The following RNF149 variants were observed in gnomAD, a reference collection of about 807,000 sequenced individuals.
RNF149 encodes ring finger protein 149, also known as E3 ubiquitin-protein ligase RNF149.
Under a neutral mutation model 39.0 loss-of-function variants are expected in RNF149, and 21 were observed. The observed-to-expected ratio is 0.54, with a 90% CI of 0.38 to 0.77. RNF149 has a LOEUF of 0.77. Ranked by LOEUF, RNF149 falls within the 30% of genes least tolerant of loss-of-function variation. The pLI, the probability that RNF149 is intolerant of heterozygous loss-of-function variation, is 0.00. For synonymous variants in RNF149, 209 were observed against 213.6 expected (o/e 0.98, Z 0.19); for missense variants, 493 against 534.9 (o/e 0.92, Z 0.77).
intron 3 of RNF149, among the ~76,000 whole-genome samples, chr2:101,289,416 C>A (rs1490937663): frequency 6.6e-6 from 1 of 152,012 alleles, no homozygotes; most frequent in Non-Finnish European, 1.5e-5. Context: ...TTTTAAGAGA[C>A]AGGGTTTCGG....
chr2:101,287,088 G>A (rs570238909), intron 4 of RNF149, among the ~76,000 whole-genome samples: 1 of 152,188 alleles, frequency 6.6e-6, no homozygotes, highest in Non-Finnish European at 1.5e-5. Context: ...TTGGGAGGCC[G>A]AGGTGGGTGG....
intron 5 of RNF149, 114 bp downstream of exon 5, chr2:101,285,964 AACT>A: frequency 3.4e-6 from 2 of 592,108 alleles, no homozygotes; most frequent in Admixed American, 3.1e-5. Flanking sequence ...TTCTTCAGAG[AACT>A]ACAAGGATAT....
At chr2:101,296,122 A>T (rs963614236) in intron 1 of RNF149, among the ~76,000 whole-genome samples, 10 of 152,202 alleles carry the variant, frequency 6.6e-5, no homozygotes, top group Non-Finnish European at 7.3e-5. Flanking sequence ...TATCTCAATG[A>T]AAAACAAACA....
At chr2:101,293,515 T>C (rs1256805079) in intron 3 of RNF149, among the ~76,000 whole-genome samples, 4 of 152,256 alleles carry the variant, frequency 2.6e-5, no homozygotes, top group Non-Finnish European at 5.9e-5. Context: ...TTTCGAACTT[T>C]TAAGTGTCAG....
chr2:101,290,999 A>G (rs1682986869), intron 3 of RNF149, among the ~76,000 whole-genome samples: 1 of 152,214 alleles, frequency 6.6e-6, no homozygotes, highest in African/African-American at 2.4e-5. Flanking sequence ...AGGGACTACC[A>G]ATCAGTATCA....
At chr2:101,288,599 T>C (rs527589917) in intron 4 of RNF149, 12 of 170,820 alleles carry the variant, frequency 7.0e-5, no homozygotes, top group African/African-American at 2.6e-4. Context: ...CTCCTCAACC[T>C]ATTTCCCTTA....
Position 101,276,321 on chromosome 2 carries a change from A to T in RNF149, c.*917T>A, listed in dbSNP as rs1031804265. The T allele has an allele frequency of 1.0e-6, 1 of 985,634 alleles. No individual in the cohort carries two copies. Among genetic ancestry groups the T allele is most frequent in the Non-Finnish European group, 1.2e-6 (1 of 829,918 alleles). 61.1% of individuals were successfully genotyped at this position (985,634 alleles called of 1,614,324 possible). ...TGACCCAAAAGAACAGCAAGCAAGT[A>T]AAAAAGAAGAAACGGTTAAGCAAGG... On this transcript the variant is annotated 3_prime_UTR_variant, in exon 7 of 7. Coordinates refer to ENST00000295317, the MANE Select transcript of RNF149 (RefSeq NM_173647.4).
At chr2:101,283,133 C>T (rs1472298125) in intron 5 of RNF149, among the ~76,000 whole-genome samples, 1 of 152,184 alleles carries the variant, frequency 6.6e-6, no homozygotes, top group African/African-American at 2.4e-5. Flanking sequence ...CTCAACTGCC[C>T]TCTCAAATGC....
downstream of RNF149, chr2:101,273,082 T>A: frequency 1.5e-6 from 2 of 1,361,322 alleles, no homozygotes; most frequent in Non-Finnish European, 2.0e-6. Context: ...GGAAAGGCTG[T>A]GTGTTCAGGA....
At chr2:101,301,112 C>T (rs1327884692) in intron 1 of RNF149, among the ~76,000 whole-genome samples, 3 of 152,180 alleles carry the variant, frequency 2.0e-5, no homozygotes, top group African/African-American at 7.2e-5. Context: ...TCTCTTCCTT[C>T]CTTAGGCCTT....
At chr2:101,305,699 AG>A (rs925192509) in intron 1 of RNF149, among the ~76,000 whole-genome samples, 10 of 152,036 alleles carry the variant, frequency 6.6e-5, no homozygotes, top group Non-Finnish European at 4.4e-5. Flanking sequence ...ACATGGGGTG[AG>A]GGGGGTATGA....
chr2:101,294,038 A>C lies in RNF149; in HGVS notation c.756T>G (p.Leu252=), dbSNP rs770394101. Residue 252 remains leucine, a synonymous_variant, in exon 3 of 7, where the codon CTT becomes CTG. Transcript: ENST00000295317. The part of the protein sequence containing the change: ...ETKKVIGQLL[L]HTVKHGEKGI... Reference sequence around the variant, plus strand: ...CCTTTTCTCCATGCTTTACAGTATGAAGTAGAAGCTGGCCAATAACTTTCT... The same window carrying C: ...CCTTTTCTCCATGCTTTACAGTATGCAGTAGAAGCTGGCCAATAACTTTCT... The C allele has an allele frequency of 1.3e-5, 20 of 1,592,358 alleles. No individual in the cohort carries two copies. The highest frequency in any genetic ancestry group is 1.6e-5 in the Non-Finnish European group (19 of 1,161,326).
At chr2:101,286,001 TTGTTTCTAGTCAATAATGAAACTGAA>T (rs1000112217) in intron 5 of RNF149, 54 bp downstream of exon 5, 1 of 819,936 alleles carries the variant, frequency 1.2e-6, no homozygotes, top group Admixed American at 2.1e-5. Context: ...CCTGTTCCTC[TTGTTTCTAGTCAATAATGAAACTGAA>T]TCACTCAGGA....
rs1426433427 is a variant in RNF149 at position 101,308,349 on chromosome 2, C to T, written c.240G>A (p.Pro80=). The change falls in exon 1 of 7, where the codon CCG becomes CCA. Residue 80 remains proline (P), a synonymous_variant. Transcript: ENST00000295317. ...CCTCGAGGTCTCCGCCGGGCGCCCA[C>T]GGGACGCCCACCAGGCCATGCGCGC... The part of the protein sequence containing the change: ...KEGAHGLVGV[P]WAPGGDLEGC... 2 of 1,600,170 alleles carry T rather than the reference C, an allele frequency of 1.2e-6. No individual in the cohort carries two copies. The highest frequency in any genetic ancestry group is 1.1e-5 in the South Asian group (1 of 90,074).
chr2:101,272,318 T>G (rs970889033), downstream of RNF149, among the ~76,000 whole-genome samples: 10 of 152,206 alleles, frequency 6.6e-5, no homozygotes, highest in African/African-American at 1.9e-4. Context: ...TTTTTCCTAA[T>G]GTTTAAATAA....
chr2:101,291,283 T>C (rs1291472835), intron 3 of RNF149, among the ~76,000 whole-genome samples: 1 of 152,196 alleles, frequency 6.6e-6, no homozygotes, highest in Non-Finnish European at 1.5e-5. Context: ...CCTGAGTTGC[T>C]AGGACTACAG....
chr2:101,294,246 A>G, intron 2 of RNF149, 164 bp from the exon 3 acceptor site: 1 of 505,444 alleles, frequency 2.0e-6, no homozygotes, highest in Admixed American at 3.7e-5. Flanking sequence ...CAAAACTGCG[A>G]TTACTTTTGC....
intron 3 of RNF149, among the ~76,000 whole-genome samples, chr2:101,289,762 G>A (rs1043045711): frequency 1.0e-4 from 15 of 150,528 alleles, no homozygotes; most frequent in Admixed American, 6.6e-5. Flanking sequence ...GGCTGGTCTC[G>A]AACTCCTGGA....
Position 101,276,495 on chromosome 2 carries a change from C to T in RNF149, c.*743G>A. ...ATATAACAGATTCTGAGTCTGCCTA[C>T]TCATTTTCCTTAACAAGGCAATGAA... On this transcript the variant is annotated 3_prime_UTR_variant, in exon 7 of 7. Coordinates refer to ENST00000295317, the MANE Select transcript of RNF149 (RefSeq NM_173647.4). 1.0e-6 allele frequency: 1 copy of T among 985,740 alleles called. No individual in the cohort carries two copies. Among genetic ancestry groups the T allele is most frequent in the Non-Finnish European group, 1.2e-6 (1 of 829,836 alleles). 61.1% of individuals were successfully genotyped at this position (985,740 alleles called of 1,614,324 possible).
Sources: gnomAD v4.1 joint callset for allele counts (sites outside exome capture counted in the v4.1 genomes callset) on GRCh38, gnomAD v4.1.1 for gene constraint, MANE v1.5 for transcripts, NCBI Gene and HGNC (gene_info 2026-07-23, HGNC 2026-07-21) for gene names.